The following TMEM126A variants were observed in gnomAD, a reference collection of about 807,000 sequenced individuals.
The protein encoded by TMEM126A is transmembrane protein 126A.
A neutral mutation model predicts 18.3 loss-of-function variants in TMEM126A; 10 were observed. That is an observed-to-expected ratio of 0.55 (90% confidence interval 0.34 to 0.93). The LOEUF is 0.93. TMEM126A is among the 40% of genes least tolerant of loss of function. The pLI, the probability that TMEM126A is intolerant of heterozygous loss-of-function variation, is 0.02. For synonymous variants in TMEM126A, 68 were observed against 78.1 expected, an observed-to-expected ratio of 0.87 and a Z score of 0.68; for missense variants, 246 against 230.2, an observed-to-expected ratio of 1.07 and a Z score of -0.44.
intron 2 of TMEM126A, 101 bp from the exon 3 acceptor site, chr11:85,653,962 C>T: frequency 7.4e-7 from 1 of 1,346,902 alleles, no homozygotes; most frequent in Non-Finnish European, 1.1e-6. Flanking sequence ...GATGTCGTAT[C>T]CAGTTAGTGT....
chr11:85,649,989 TTA>T (rs2082487313), intron 1 of TMEM126A, among the ~76,000 whole-genome samples: 1 of 152,228 alleles, frequency 6.6e-6, no homozygotes, highest in South Asian at 2.1e-4. Context: ...ACTGTTAGTT[TTA>T]TAAGTCTTTT....
At position 85,655,627 on chromosome 11, in the gene TMEM126A, G is replaced by A. The variant is rs146573578; in HGVS notation, c.314G>A (p.Arg105Gln). Reference sequence around the variant, plus strand: ...GATTGTGAAACCTGTACCATAACACGGAGTGGACTGACTGGTCTTGTTATT... The same window carrying A: ...GATTGTGAAACCTGTACCATAACACAGAGTGGACTGACTGGTCTTGTTATT... ...DLDCETCTIT[R>Q]SGLTGLVIGG... Residue 105 changes from arginine to glutamine, a missense_variant, in exon 4 of 5, where the codon CGG becomes CAG. Transcript: ENST00000304511. 6,937 of 1,613,544 alleles carry A rather than the reference G, an allele frequency of 4.3e-3. 21 individuals are homozygous for A. Among genetic ancestry groups the A allele is most frequent in the South Asian group, 5.1e-3 (460 of 91,066 alleles).
intron 4 of TMEM126A, 123 bp from the exon 5 acceptor site, chr11:85,656,186 G>A: frequency 2.3e-6 from 2 of 884,364 alleles, no homozygotes; most frequent in South Asian, 3.0e-5. Flanking sequence ...AATAGACACT[G>A]AAGACCTTTA....
chr11:85,649,541 A>T (rs546875026), intron 1 of TMEM126A, among the ~76,000 whole-genome samples: 1 of 152,198 alleles, frequency 6.6e-6, no homozygotes, highest in Admixed American at 6.5e-5. Flanking sequence ...ATTGCTAGCT[A>T]TGTGTGTCTT....
chr11:85,655,323 G>A (rs1189340042), intron 3 of TMEM126A: 3 of 361,166 alleles, frequency 8.3e-6, no homozygotes, highest in African/African-American at 4.3e-5. Flanking sequence ...AAACAAGGCA[G>A]AAAGCTAGCA....
chr11:85,654,359 GTTAAGA>G (rs1203014306), intron 3 of TMEM126A, 103 bp downstream of exon 3: 1 of 1,157,820 alleles, frequency 8.6e-7, no homozygotes, highest in Non-Finnish European at 1.3e-6. Flanking sequence ...CTGTAATGCA[GTTAAGA>G]TTAAATCTTG....
At chr11:85,656,277 T>G (rs2082538050) in intron 4 of TMEM126A, 32 bp from the exon 5 acceptor site, 1 of 1,594,352 alleles carries the variant, frequency 6.3e-7, no homozygotes, top group Admixed American at 1.7e-5. Context: ...CAACAATCTT[T>G]TCTATTGAAC....
intron 2 of TMEM126A, 88 bp from the exon 3 acceptor site, chr11:85,653,975 T>C (rs1202775530): frequency 6.8e-7 from 1 of 1,461,832 alleles, no homozygotes; most frequent in African/African-American, 1.4e-5. Flanking sequence ...GTTAGTGTAT[T>C]CCCAAAGTCC....
intron 4 of TMEM126A, 28 bp downstream of exon 4, chr11:85,655,736 T>C (rs753356480): frequency 2.1e-6 from 3 of 1,462,922 alleles, no homozygotes; most frequent in Non-Finnish European, 1.9e-6. Flanking sequence ...TTTTATAATA[T>C]GTGATTACCT....
In TMEM126A at chr11:85,653,942, A is replaced by T. The variant is rs897200671; in HGVS notation, c.87-121A>T. 1.4e-5 allele frequency: 17 copies of T among 1,227,402 alleles called. No homozygotes were observed. The African/African-American group carries it at 2.1e-4, about 15-fold the overall frequency. 76.0% of individuals were successfully genotyped at this position (1,227,402 alleles called of 1,614,324 possible). On this transcript the variant is annotated intron_variant, in intron 2 of 4. Transcript: ENST00000304511. ...AAGCAATTTTTAAGATTTTGGTTCTATAAGGGATAGATGTCGTATCCAGTT... is the reference window on the plus strand; with the variant it reads ...AAGCAATTTTTAAGATTTTGGTTCTTTAAGGGATAGATGTCGTATCCAGTT...
intron 1 of TMEM126A, among the ~76,000 whole-genome samples, chr11:85,649,342 T>G (rs147328656): frequency 1.3e-5 from 2 of 152,242 alleles, no homozygotes; most frequent in East Asian, 3.8e-4. Flanking sequence ...ACTACTGGCA[T>G]GTAGGCCATA....
At chr11:85,653,948 G>A in intron 2 of TMEM126A, 115 bp from the exon 3 acceptor site, 1 of 1,262,938 alleles carries the variant, frequency 7.9e-7, no homozygotes, top group South Asian at 1.2e-5. Context: ...TTCTATAAGG[G>A]ATAGATGTCG....
Position 85,654,223 on chromosome 11 carries a change from T to A in TMEM126A, c.247T>A (p.Tyr83Asn). The A allele has an allele frequency of 6.2e-7, 1 of 1,614,184 alleles. No homozygotes were observed. The highest frequency in any genetic ancestry group is 8.5e-7 in the Non-Finnish European group (1 of 1,180,010). Reference protein sequence around the residue: ...GIPFLTTDLTYRCFVSFPLNT... With the variant: ...GIPFLTTDLTNRCFVSFPLNT... ...ACCTTTTCTTACAACAGACTTAACT[T>A]ACAGATGTTTTGTAAGTTTTCCTTT... The change falls in exon 3 of 5, where the codon TAC becomes AAC. Residue 83 changes from tyrosine to asparagine, a missense_variant. Physicochemically the swap from Tyr to Asn is moderately radical, Grantham distance 143 (BLOSUM62 -2). Coordinates refer to ENST00000304511, the MANE Select transcript of TMEM126A (RefSeq NM_032273.4).
In TMEM126A at chr11:85,653,910, A is replaced by G. The variant is rs1334874163; in HGVS notation, c.87-153A>G. 4.8e-6 allele frequency: 4 copies of G among 833,280 alleles called. No homozygotes were observed. In the East Asian group the frequency reaches 1.0e-4, roughly 22 times the overall value. 51.6% of individuals were successfully genotyped at this position (833,280 alleles called of 1,614,324 possible). A position where few individuals can be genotyped will look rare whatever the true frequency, so the allele number is the denominator to read the frequency against. ...GCTGCTGGGAGAAGAGCAAAAACCT[A>G]TATATAAAGCAATTTTTAAGATTTT... On this transcript the variant is annotated intron_variant, in intron 2 of 4. Transcript: ENST00000304511.
intron 3 of TMEM126A, chr11:85,655,288 A>G (rs568034904): frequency 3.8e-5 from 11 of 290,370 alleles, no homozygotes; most frequent in African/African-American, 2.0e-4. Context: ...CTGAGTGAAA[A>G]TATTAGCCTA....
At chr11:85,655,463 G>A in intron 3 of TMEM126A, 131 bp from the exon 4 acceptor site, 1 of 723,082 alleles carries the variant, frequency 1.4e-6, no homozygotes, top group Non-Finnish European at 2.5e-6. Context: ...CCTTTTAACA[G>A]GCTTTGTACA....
chr11:85,652,061 A>G (rs1050061004), intron 2 of TMEM126A, among the ~76,000 whole-genome samples: 1 of 152,186 alleles, frequency 6.6e-6, no homozygotes, highest in Non-Finnish European at 1.5e-5. Context: ...CCACTGGAGA[A>G]GCTGAGGCAC....
In TMEM126A at chr11:85,648,102, C is replaced by CG. The variant is rs556179968; in HGVS notation, c.-8+18dup. 1 of 152,270 alleles carries CG rather than the reference C, an allele frequency of 6.6e-6. No individual in the cohort carries two copies. Among genetic ancestry groups the CG allele is most frequent in the Admixed American group, 6.6e-5 (1 of 15,264 alleles). 9.4% of individuals were successfully genotyped at this position (152,270 alleles called of 1,614,324 possible). On this transcript the variant is annotated intron_variant, in intron 1 of 4. Coordinates refer to ENST00000304511, the MANE Select transcript of TMEM126A (RefSeq NM_032273.4). ...AGGAGAGCATAAGGTACTGGTATTCCGGGGGAGGGGGTGAAGTAAATGTCC... is the reference window on the plus strand; with the variant it reads ...AGGAGAGCATAAGGTACTGGTATTCCGGGGGGAGGGGGTGAAGTAAATGTCC...
chr11:85,653,282 T>G (rs1027011132), intron 2 of TMEM126A, among the ~76,000 whole-genome samples: 1 of 152,142 alleles, frequency 6.6e-6, no homozygotes, highest in African/African-American at 2.4e-5. Flanking sequence ...GGAAGCTGAG[T>G]TCCTAGAAAA....
Sources: gnomAD v4.1 joint callset for allele counts (sites outside exome capture counted in the v4.1 genomes callset) on GRCh38, gnomAD v4.1.1 for gene constraint, MANE v1.5 for transcripts, NCBI Gene and HGNC (gene_info 2026-07-23, HGNC 2026-07-21) for gene names.